Variants in SLC22A16 observed in about 807,000 individuals in gnomAD.
SLC22A16 encodes the protein solute carrier family 22 member 16.
Under a neutral mutation model 52.9 loss-of-function variants are expected in SLC22A16, and 53 were observed. The ratio of observed to expected loss-of-function variants is 1.00; its 90% CI spans 0.80 to 1.26. The LOEUF (loss-of-function observed/expected upper bound fraction) is 1.26. Ranked by LOEUF, SLC22A16 falls within the 50% of genes most tolerant of loss-of-function variation. SLC22A16 has a pLI of 0.00. For missense variants in SLC22A16, 726 were observed against 704.0 expected, an observed-to-expected ratio of 1.03 and a Z score of -0.35; for synonymous variants, 291 against 268.8, an observed-to-expected ratio of 1.08 and a Z score of -0.81.
intron 5 of SLC22A16, among the ~76,000 whole-genome samples, chr6:110,438,076 C>A (rs1357406915): frequency 1.3e-5 from 2 of 151,996 alleles, no homozygotes; most frequent in Non-Finnish European, 2.9e-5. Context: ...TCCTCGACCA[C>A]CCTAGACAAA....
At chr6:110,425,537 G>A (rs779007188) in intron 7 of SLC22A16, among the ~76,000 whole-genome samples, 1 of 152,146 alleles carries the variant, frequency 6.6e-6, no homozygotes, top group Non-Finnish European at 1.5e-5. Context: ...CACTATCAGG[G>A]TTCAGTAAAT....
At chr6:110,433,013 C>T (rs533024202) in intron 6 of SLC22A16, among the ~76,000 whole-genome samples, 2 of 152,244 alleles carry the variant, frequency 1.3e-5, no homozygotes, top group African/African-American at 4.8e-5. Context: ...TGCCTTTGGC[C>T]ACGACCCTAA....
chr6:110,455,146 A>G (rs1022539046), intron 2 of SLC22A16, among the ~76,000 whole-genome samples: 3 of 148,284 alleles, frequency 2.0e-5, no homozygotes, highest in African/African-American at 7.5e-5. Flanking sequence ...GTTCAGACAA[A>G]GGAACTAAAT....
At chr6:110,457,181 T>C (rs1382210040) in intron 1 of SLC22A16, among the ~76,000 whole-genome samples, 164 bp from the exon 2 acceptor site, 1 of 152,206 alleles carries the variant, frequency 6.6e-6, no homozygotes, top group African/African-American at 2.4e-5. Context: ...TATATATACA[T>C]ATATTACTTA....
intron 6 of SLC22A16, among the ~76,000 whole-genome samples, chr6:110,434,943 A>C (rs1205677819): frequency 1.3e-5 from 2 of 152,114 alleles, no homozygotes; most frequent in Non-Finnish European, 2.9e-5. Flanking sequence ...ACACCACTGC[A>C]CTCCAGCCTG....
chr6:110,466,339 G>C (rs753037785), intron 1 of SLC22A16, among the ~76,000 whole-genome samples: 2 of 152,010 alleles, frequency 1.3e-5, no homozygotes, highest in African/African-American at 2.4e-5. Context: ...ACAATCGATA[G>C]AGTACATAAC....
chr6:110,438,882 G>C (rs756653435), intron 4 of SLC22A16, 35 bp from the exon 5 acceptor site: 1 of 1,609,244 alleles, frequency 6.2e-7, no homozygotes, highest in Non-Finnish European at 8.5e-7. Context: ...ATAAGTCTAG[G>C]TACCCGACTG....
chr6:110,456,236 A>G (rs1318408924), intron 2 of SLC22A16: 2 of 322,582 alleles, frequency 6.2e-6, no homozygotes, highest in African/African-American at 4.3e-5. Flanking sequence ...CCTTTGAAGT[A>G]AGTGATATTA....
chr6:110,436,221 A>T (rs1224756456), intron 5 of SLC22A16, among the ~76,000 whole-genome samples: 1 of 152,156 alleles, frequency 6.6e-6, no homozygotes, highest in Non-Finnish European at 1.5e-5. Context: ...GACGAAAGCC[A>T]GTTGGGAAGA....
At chr6:110,443,295 C>T (rs1230488397) in intron 3 of SLC22A16, among the ~76,000 whole-genome samples, 1 of 152,206 alleles carries the variant, frequency 6.6e-6, no homozygotes, top group East Asian at 1.9e-4. Flanking sequence ...GAAAAGGCAA[C>T]CTGCAGAACT....
At chr6:110,463,766 G>A (rs1775973336) in intron 1 of SLC22A16, among the ~76,000 whole-genome samples, 1 of 151,794 alleles carries the variant, frequency 6.6e-6, no homozygotes, top group Non-Finnish European at 1.5e-5. Context: ...CTGTCGATTT[G>A]ATTATATAAA....
In SLC22A16 at chr6:110,440,473, G is replaced by C. The variant is rs77746308; in HGVS notation, c.1184-1626C>G. ...ATTTTTTTCAAATGGAAAATACAAGGAGTTTTCAAAAAGGTCATGGACGGC... is the reference window on the plus strand; with the variant it reads ...ATTTTTTTCAAATGGAAAATACAAGCAGTTTTCAAAAAGGTCATGGACGGC... On this transcript the variant is annotated intron_variant, in intron 4 of 7. Transcript: ENST00000368919. Among the ~76,000 whole-genome samples, 81 of 152,296 alleles carry C rather than the reference G, an allele frequency of 5.3e-4. 1 individual carries two copies. In the East Asian group the frequency reaches 0.012, roughly 22 times the overall value.
intron 1 of SLC22A16, among the ~76,000 whole-genome samples, chr6:110,458,832 T>G (rs916867626): frequency 6.6e-5 from 10 of 152,178 alleles, no homozygotes; most frequent in Non-Finnish European, 2.9e-5. Flanking sequence ...TCCTGGTTCT[T>G]GGGTTTTTGG....
At chr6:110,473,490 CCTTTTTTTTTTTTTTTTTTTTTTTT>C in intron 1 of SLC22A16, among the ~76,000 whole-genome samples, 1 of 113,306 alleles carries the variant, frequency 8.8e-6, no homozygotes, top group Non-Finnish European at 1.7e-5. Flanking sequence ...TCCTGTTTTC[CCTTTTTTTTTTTTTTTTTTTTTTTT>C]TTTTTTTTTT....
At chr6:110,428,928 A>T (rs1399325613) in intron 7 of SLC22A16, among the ~76,000 whole-genome samples, 20 of 152,216 alleles carry the variant, frequency 1.3e-4, no homozygotes, top group African/African-American at 4.6e-4. Context: ...TCAGAAGAAT[A>T]ATAAAAATAA....
intron 4 of SLC22A16, among the ~76,000 whole-genome samples, chr6:110,439,511 CT>C (rs11362798): frequency 0.067 from 10,133 of 152,110 alleles, 519 homozygotes; most frequent in African/African-American, 0.15. Flanking sequence ...AAGAGTAAAT[CT>C]TTTTTTCTTA....
At chr6:110,432,370 A>G (rs190373517) in intron 6 of SLC22A16, among the ~76,000 whole-genome samples, 1 of 152,358 alleles carries the variant, frequency 6.6e-6, no homozygotes, top group East Asian at 1.9e-4. Flanking sequence ...ATCTTAAAAA[A>G]TACTATAATA....
intron 1 of SLC22A16, among the ~76,000 whole-genome samples, chr6:110,457,902 C>T (rs1353518708): frequency 6.6e-6 from 1 of 152,024 alleles, no homozygotes; most frequent in African/African-American, 2.4e-5. Context: ...TCCCTTTCCC[C>T]AGGGGAGTTT....
chr6:110,461,854 G>T (rs189237974), intron 1 of SLC22A16, among the ~76,000 whole-genome samples: 2 of 152,176 alleles, frequency 1.3e-5, no homozygotes, highest in Non-Finnish European at 2.9e-5. Flanking sequence ...TCAAATGTTG[G>T]CAAATTCAAA....
Sources: allele counts gnomAD v4.1 joint callset (sites outside exome capture counted in the v4.1 genomes callset), GRCh38; gene constraint gnomAD v4.1.1; transcripts MANE v1.5; gene names NCBI Gene and HGNC (gene_info 2026-07-23, HGNC 2026-07-21).